Variants in POTEJ observed in about 807,000 individuals in gnomAD.
The protein encoded by POTEJ is POTE ankyrin domain family member J.
A neutral mutation model predicts 69.0 loss-of-function variants in POTEJ; 11 were observed. The observed-to-expected ratio is 0.16, with a 90% CI of 0.10 to 0.26. The LOEUF (loss-of-function observed/expected upper bound fraction) is 0.26. Among genes scored for constraint, POTEJ ranks in the 10% least tolerant of loss-of-function variants. POTEJ has a pLI of 1.00. For missense variants in POTEJ, 327 were observed against 1,045.5 expected, an observed-to-expected ratio of 0.31 and a Z score of 9.48; for synonymous variants, 117 against 381.1, an observed-to-expected ratio of 0.31 and a Z score of 8.07.
Position 130,633,103 on chromosome 2 carries a change from C to T in POTEJ, c.1298+447C>T, listed in dbSNP as rs747206967. Among the ~76,000 whole-genome samples the T allele has an allele frequency of 1.2e-4, 18 of 144,598 alleles. 2 individuals are homozygous for T. In the Middle Eastern group the frequency reaches 0.017, roughly 140 times the overall value. 94.9% of individuals were successfully genotyped at this position (144,598 alleles called of 152,430 possible). On this transcript the variant is annotated intron_variant, in intron 9 of 14. Transcript: ENST00000409602. ...TCTCCTCTTTGTGTCCATGAGTTCTCATTATTTAGTTCCCACTAATGAGTA... is the reference window on the plus strand; with the variant it reads ...TCTCCTCTTTGTGTCCATGAGTTCTTATTATTTAGTTCCCACTAATGAGTA...
chr2:130,611,749 A>AG lies in POTEJ; in HGVS notation c.222dup (p.Ser75GlufsTer40), dbSNP rs1685215720. ...GTGCTGCCACTGCTTCCCCTGCTGCAGGGGGAGCGGCAAGAGCAACGTGGG... is the reference window on the plus strand; with the variant it reads ...GTGCTGCCACTGCTTCCCCTGCTGCAGGGGGGAGCGGCAAGAGCAACGTGGG... On this transcript the variant is annotated frameshift_variant, in exon 1 of 15. Transcript: ENST00000409602. LOFTEE classifies it high-confidence loss of function. 6.4e-7 allele frequency: 1 copy of AG among 1,572,454 alleles called. No individual in the cohort carries two copies. Among genetic ancestry groups the AG allele is most frequent in the Non-Finnish European group, 8.7e-7 (1 of 1,153,078 alleles).
chr2:130,626,933 TG>T (rs1199674687), intron 6 of POTEJ, among the ~76,000 whole-genome samples: 1 of 152,178 alleles, frequency 6.6e-6, no homozygotes, highest in Non-Finnish European at 1.5e-5. Flanking sequence ...AAAGCCATTT[TG>T]TAAATGTTTG....
chr2:130,656,442 A>C, intron 14 of POTEJ, 107 bp from the exon 15 acceptor site: 2 of 1,424,730 alleles, frequency 1.4e-6, no homozygotes, highest in Non-Finnish European at 1.9e-6. Flanking sequence ...AATATCCACT[A>C]TGGGGATTCT....
At position 130,644,362 on chromosome 2, in the gene POTEJ, C is replaced by T. The variant is rs1263243308; in HGVS notation, c.1440+309C>T. ...GCGGGTGCCTGTAGTCCCAGCTACT[C>T]GGGAGGCTGAGGCAGGAGAATGGCA... On this transcript the variant is annotated intron_variant, in intron 11 of 14. Coordinates refer to ENST00000409602, the MANE Select transcript of POTEJ (RefSeq NM_001277083.2). Among the ~76,000 whole-genome samples, 5 of 149,870 alleles carry T rather than the reference C, an allele frequency of 3.3e-5. No homozygotes were observed. The East Asian group carries it at 7.7e-4, about 23-fold the overall frequency.
At chr2:130,650,073 G>C (rs1476892016) in intron 13 of POTEJ, among the ~76,000 whole-genome samples, 1 of 152,264 alleles carries the variant, frequency 6.6e-6, no homozygotes, top group East Asian at 1.9e-4. Flanking sequence ...GACACGTCAG[G>C]CTTCAGATTC....
chr2:130,611,308 G>GA (rs1383336673), upstream of POTEJ, among the ~76,000 whole-genome samples: 4 of 142,518 alleles, frequency 2.8e-5, no homozygotes, highest in Non-Finnish European at 6.0e-5. Context: ...TTGGGGGGGG[G>GA]GGGGTTGGCC....
intron 13 of POTEJ, among the ~76,000 whole-genome samples, chr2:130,649,330 C>T (rs866066406): frequency 0.01 from 1,554 of 151,860 alleles, no homozygotes; most frequent in Middle Eastern, 0.021. Flanking sequence ...TCCAGTTGCT[C>T]TGCCAAAAAC....
At chr2:130,641,517 G>A (rs1242371645) in intron 10 of POTEJ, among the ~76,000 whole-genome samples, 1 of 149,988 alleles carries the variant, frequency 6.7e-6, no homozygotes, top group Non-Finnish European at 1.5e-5. Flanking sequence ...TAAAACAGAG[G>A]CAGAAGAGAG....
At position 130,656,875 on chromosome 2, in the gene POTEJ, C is replaced by T. The variant is rs777642649; in HGVS notation, c.2115C>T (p.Gly705=). ...TCGTGGGGTGCCCCAGGCAGCAGGG[C>T]ATGATGGGGGGCATGCATCAGAAAG... is the stretch of plus-strand genomic sequence containing the variant. The part of the protein sequence containing the change: ...PSIVGCPRQQ[G]MMGGMHQKES... Residue 705 remains glycine (G), a synonymous_variant, in exon 15 of 15, where the codon GGC becomes GGT. Coordinates refer to ENST00000409602, the MANE Select transcript of POTEJ (RefSeq NM_001277083.2). The T allele has an allele frequency of 3.4e-5, 55 of 1,594,774 alleles. 2 individuals are homozygous for T. The highest frequency in any genetic ancestry group is 4.4e-5 in the Non-Finnish European group (52 of 1,169,074).
At chr2:130,643,517 TTA>T (rs1686471425) in intron 10 of POTEJ, among the ~76,000 whole-genome samples, 1 of 130,902 alleles carries the variant, frequency 7.6e-6, no homozygotes, top group African/African-American at 3.2e-5. Context: ...CCCTGACTCA[TTA>T]AAAAAAAAAA....
At chr2:130,646,988 G>T (rs1318260856) in intron 13 of POTEJ, among the ~76,000 whole-genome samples, 1 of 149,598 alleles carries the variant, frequency 6.7e-6, no homozygotes. Flanking sequence ...TACATGTAAA[G>T]GATATTTGTA....
In POTEJ at chr2:130,613,218, A is replaced by T. The variant is rs1233905370; in HGVS notation, c.410+1276A>T. Among the ~76,000 whole-genome samples, 7 of 147,166 alleles carry T rather than the reference A, an allele frequency of 4.8e-5. No individual in the cohort carries two copies. In the East Asian group the frequency reaches 1.2e-3, roughly 25 times the overall value. ...AGAAAAAATATAAATGCCTATTTATATACGCAGATATATATACATATATAT... is the reference window on the plus strand; with the variant it reads ...AGAAAAAATATAAATGCCTATTTATTTACGCAGATATATATACATATATAT... On this transcript the variant is annotated intron_variant, in intron 1 of 14. Coordinates refer to ENST00000409602, the MANE Select transcript of POTEJ (RefSeq NM_001277083.2).
At chr2:130,615,578 G>A (rs1191243197) in intron 1 of POTEJ, among the ~76,000 whole-genome samples, 2 of 140,686 alleles carry the variant, frequency 1.4e-5, no homozygotes, top group African/African-American at 2.9e-5. Context: ...TACCTAGAGG[G>A]AAGGAACACA....
At chr2:130,614,525 G>T (rs1482278177) in intron 1 of POTEJ, among the ~76,000 whole-genome samples, 1 of 148,820 alleles carries the variant, frequency 6.7e-6, no homozygotes, top group Non-Finnish European at 1.5e-5. Flanking sequence ...GTGCAAAGAT[G>T]TACTTTGCTA....
Position 130,652,041 on chromosome 2 carries a change from T to C in POTEJ, c.1668-2880T>C, listed in dbSNP as rs902861905. Among the ~76,000 whole-genome samples the C allele has an allele frequency of 9.0e-4, 125 of 138,322 alleles. 10 individuals are homozygous for C. Among genetic ancestry groups the C allele is most frequent in the Admixed American group, 1.7e-3 (24 of 14,402 alleles). The allele number at this position is 138,322 out of a possible 152,430, so 90.7% of individuals were successfully genotyped here. On this transcript the variant is annotated intron_variant, in intron 13 of 14. Coordinates refer to ENST00000409602, the MANE Select transcript of POTEJ (RefSeq NM_001277083.2). The stretch of plus-strand genomic sequence containing the variant: ...CATGTCAAATTGTAATTCCCAGGTG[T>C]TGAGGAAAGACCAGCTGGGAGGTGA...
Position 130,657,395 on chromosome 2 carries a change from C to G in POTEJ, c.2635C>G (p.Leu879Val), listed in dbSNP as rs1201770964. The G allele has an allele frequency of 6.3e-7, 1 of 1,589,086 alleles. No individual in the cohort carries two copies. The highest frequency in any genetic ancestry group is 2.2e-5 in the East Asian group (1 of 44,854). The change falls in exon 15 of 15, where the codon CTG (leucine) becomes GTG (valine). Residue 879 changes from leucine to valine, a missense_variant. Coordinates refer to ENST00000409602, the MANE Select transcript of POTEJ (RefSeq NM_001277083.2). The part of the protein sequence containing the change: ...REIVRDIKEK[L>V]CYVALDFEQE... ...AATCGTGCGTGACATCAAAGAGAAG[C>G]TGTGCTATGTTGCCCTGGACTTCGA... is the stretch of plus-strand genomic sequence containing the variant.
intron 9 of POTEJ, among the ~76,000 whole-genome samples, chr2:130,634,934 A>C (rs1221020082): frequency 3.3e-5 from 5 of 152,328 alleles, no homozygotes; most frequent in Admixed American, 3.3e-4. Flanking sequence ...TAAATTATGC[A>C]TTTTTTCTTA....
intron 13 of POTEJ, among the ~76,000 whole-genome samples, chr2:130,647,240 A>G (rs1686614434): frequency 6.6e-6 from 1 of 151,244 alleles, no homozygotes; most frequent in Non-Finnish European, 1.5e-5. Context: ...TTCTTGTTAA[A>G]ATTCTTGTAA....
intron 10 of POTEJ, among the ~76,000 whole-genome samples, chr2:130,640,760 T>C (rs1269432122): frequency 6.6e-6 from 1 of 152,172 alleles, no homozygotes; most frequent in African/African-American, 2.4e-5. Context: ...GGAAGGTAAA[T>C]ACCTGATTAG....
Sources: gnomAD v4.1 joint callset for allele counts (sites outside exome capture counted in the v4.1 genomes callset) on GRCh38, gnomAD v4.1.1 for gene constraint, MANE v1.5 for transcripts, NCBI Gene and HGNC (gene_info 2026-07-23, HGNC 2026-07-21) for gene names.